PICK1: variants seen among roughly 807,000 people sequenced by gnomAD.
PICK1 encodes the protein PRKCA-binding protein.
A neutral mutation model predicts 48.9 loss-of-function variants in PICK1; 23 were observed. The observed-to-expected ratio is 0.47, with a 90% CI of 0.34 to 0.67. The LOEUF (loss-of-function observed/expected upper bound fraction) is 0.67, where lower values mean the gene tolerates loss of function less well. Ranked by LOEUF, PICK1 falls within the 30% of genes least tolerant of loss-of-function variation. The pLI is 0.01. For synonymous variants in PICK1, 217 were observed against 228.2 expected (o/e 0.95, Z 0.44); for missense variants, 423 against 557.1 (o/e 0.76, Z 2.42).
In PICK1 at chr22:38,070,243, C is replaced by A. The variant is rs1438818614; in HGVS notation, c.440-595C>A. ...GACTGCCCCACCTCTCCCCTGCAGCCCTCACCATCACACTGCTGTCCATCG... is the reference window on the plus strand; with the variant it reads ...GACTGCCCCACCTCTCCCCTGCAGCACTCACCATCACACTGCTGTCCATCG... On this transcript the variant is annotated intron_variant, in intron 6 of 12. Coordinates refer to ENST00000356976, the MANE Select transcript of PICK1 (RefSeq NM_012407.4). Among the ~76,000 whole-genome samples the A allele has an allele frequency of 3.9e-5, 6 of 152,254 alleles. No homozygotes were observed. In the East Asian group the frequency reaches 9.6e-4, roughly 24 times the overall value.
At position 38,073,763 on chromosome 22, in the gene PICK1, T is replaced by A; in HGVS notation, c.784-10T>A. ...GTAGCCACTCTGACAGCCTCACCTG[T>A]CCCACACAGTCGTACTGCCTGAAGG... On this transcript the variant is annotated splice_polypyrimidine_tract_variant and intron_variant, in intron 10 of 12. Transcript: ENST00000356976. The surrounding 1 kb of genome is among the most constrained non-coding windows in gnomAD (Gnocchi z 5.7). 6.2e-7 allele frequency: 1 copy of A among 1,612,756 alleles called. No individual in the cohort carries two copies. The highest frequency in any genetic ancestry group is 8.5e-7 in the Non-Finnish European group (1 of 1,179,730).
At chr22:38,069,747 G>A (rs1316189733) in intron 6 of PICK1, among the ~76,000 whole-genome samples, 1 of 152,158 alleles carries the variant, frequency 6.6e-6, no homozygotes, top group Non-Finnish European at 1.5e-5. Flanking sequence ...TGGGGGTGGG[G>A]ACTGAGCTTG....
In PICK1 at chr22:38,057,547, C is replaced by G. The variant is rs1168961267; in HGVS notation, c.-98C>G. 3 of 541,544 alleles carry G rather than the reference C, an allele frequency of 5.5e-6. No homozygotes were observed. The African/African-American group carries it at 5.7e-5, about 10-fold the overall frequency. The allele number at this position is 541,544 out of a possible 1,614,324, so 33.5% of individuals were successfully genotyped here. A position where few individuals can be genotyped will look rare whatever the true frequency, so the allele number is the denominator to read the frequency against. On this transcript the variant is annotated 5_prime_UTR_variant, in exon 1 of 13. It adds an upstream start codon to the 5' untranslated region. Coordinates refer to ENST00000356976, the MANE Select transcript of PICK1 (RefSeq NM_012407.4). The stretch of plus-strand genomic sequence containing the variant: ...AGACCCGTGGGGCGGACTCTGGGAT[C>G]TGAGCCTATCGCCCTGGCCTGGAGC...
chr22:38,072,993 C>T lies in PICK1; in HGVS notation c.691-7C>T, dbSNP rs1315653458. The T allele has an allele frequency of 6.2e-7, 1 of 1,603,482 alleles. No individual in the cohort carries two copies. Among genetic ancestry groups the T allele is most frequent in the East Asian group, 2.2e-5 (1 of 44,836 alleles). On this transcript the variant is annotated splice_region_variant and splice_polypyrimidine_tract_variant and intron_variant, in intron 9 of 12. Transcript: ENST00000356976. ...GACAGCCTCAGCATCCACCCACCCT[C>T]TTCCAGATGCTGACGGATCTGAACA...
Position 38,074,800 on chromosome 22 carries a change from AG to A in PICK1, c.980-63del. On this transcript the variant is annotated intron_variant, in intron 12 of 12. Coordinates refer to ENST00000356976, the MANE Select transcript of PICK1 (RefSeq NM_012407.4). The surrounding 1 kb of genome is among the most constrained non-coding windows in gnomAD (Gnocchi z 4.5). ...AGAGGTGGGCCGGGTGGGCTGGGAG[AG>A]TCTCCTCCCTGAGGCAGGCAGCCAG... is the stretch of plus-strand genomic sequence containing the variant. 1.9e-6 allele frequency: 3 copies of A among 1,588,586 alleles called. No homozygotes were observed. Among genetic ancestry groups the A allele is most frequent in the Non-Finnish European group, 2.6e-6 (3 of 1,170,546 alleles).
At chr22:38,058,021 AC>A in intron 2 of PICK1, 171 bp downstream of exon 2, 2 of 699,106 alleles carry the variant, frequency 2.9e-6, no homozygotes, top group Non-Finnish European at 5.3e-6. Context: ...GGGGCTGTGG[AC>A]AGTTAAAGGG....
intron 3 of PICK1, among the ~76,000 whole-genome samples, chr22:38,061,084 G>A (rs1157866495): frequency 6.6e-6 from 1 of 151,970 alleles, no homozygotes; most frequent in Non-Finnish European, 1.5e-5. Flanking sequence ...GCTCACACCT[G>A]TAATCCCAGC....
At chr22:38,058,163 G>A (rs1317018275) in intron 2 of PICK1, 2 of 438,946 alleles carry the variant, frequency 4.6e-6, no homozygotes, top group African/African-American at 4.0e-5. Context: ...ATTGAACCAG[G>A]TTTTGAAGGT....
rs748108906 is a variant in PICK1, at chr22:38,057,833, C to T, written c.24C>T (p.Asp8=). MFADLDY[D]IEEDKLGIPT... ...CCATGTTTGCAGACTTGGATTATGA[C>T]ATCGAAGAGGATAAACTGTGAGTAT... Residue 8 remains aspartate, a synonymous_variant, in exon 2 of 13, where the codon GAC becomes GAT. Coordinates refer to ENST00000356976, the MANE Select transcript of PICK1 (RefSeq NM_012407.4). 6.2e-7 allele frequency: 1 copy of T among 1,613,898 alleles called. No individual in the cohort carries two copies.
intron 3 of PICK1, 86 bp downstream of exon 3, chr22:38,059,431 G>A: frequency 1.1e-6 from 1 of 915,046 alleles, no homozygotes. Context: ...CTGCATAGCT[G>A]ACTCCTTCTC....
At chr22:38,068,843 G>C (rs574877788) in intron 5 of PICK1, among the ~76,000 whole-genome samples, 190 bp from the exon 6 acceptor site, 6 of 152,312 alleles carry the variant, frequency 3.9e-5, no homozygotes, top group African/African-American at 1.4e-4. Flanking sequence ...CAGGCTGCCA[G>C]CACCTCTGTG....
rs534557875 is a variant in PICK1, at chr22:38,061,989, T to C, written c.153+2644T>C. On this transcript the variant is annotated intron_variant, in intron 3 of 12. Transcript: ENST00000356976. ...AATTAATATTAGTACAACGGAGATT[T>C]TGTTCGGGAAATCTTTTCCAGATGC... Among the ~76,000 whole-genome samples the C allele has an allele frequency of 5.9e-5, 9 of 152,318 alleles. No homozygotes were observed. In the East Asian group the frequency reaches 1.7e-3, roughly 29 times the overall value.
chr22:38,072,883 G>A (rs2085736555), intron 9 of PICK1, 117 bp from the exon 10 acceptor site: 1 of 850,470 alleles, frequency 1.2e-6, no homozygotes, highest in South Asian at 1.3e-5. Flanking sequence ...GCATCAGGGA[G>A]CACCATCTGG....
chr22:38,073,041 G>A lies in PICK1; in HGVS notation c.732G>A (p.Pro244=), dbSNP rs148126030. ...DLNTYLNKAI[P]DTRLTIKKYL... Reference sequence around the variant, plus strand: ...ACACGTACCTCAACAAAGCCATCCCGGACACTCGCCTCACCATCAAGAAGT... The same window carrying A: ...ACACGTACCTCAACAAAGCCATCCCAGACACTCGCCTCACCATCAAGAAGT... The change falls in exon 10 of 13, where the codon CCG becomes CCA. Residue 244 remains proline (P), a synonymous_variant. Coordinates refer to ENST00000356976, the MANE Select transcript of PICK1 (RefSeq NM_012407.4). This position sits in a 1 kb window ranked among gnomAD's most constrained non-coding sequence, Gnocchi z 5.7. 2.6e-5 allele frequency: 42 copies of A among 1,613,828 alleles called. No homozygotes were observed. Among genetic ancestry groups the A allele is most frequent in the African/African-American group, 2.4e-4 (18 of 75,042 alleles).
At position 38,074,796 on chromosome 22, in the gene PICK1, GGA is replaced by G. The variant is rs2085795871; in HGVS notation, c.980-64_980-63del. The G allele has an allele frequency of 1.3e-6, 2 of 1,588,252 alleles. No individual in the cohort carries two copies. Among genetic ancestry groups the G allele is most frequent in the Non-Finnish European group, 1.7e-6 (2 of 1,170,976 alleles). ...GGCGAGAGGTGGGCCGGGTGGGCTG[GGA>G]GAGTCTCCTCCCTGAGGCAGGCAGC... is the stretch of plus-strand genomic sequence containing the variant. On this transcript the variant is annotated intron_variant, in intron 12 of 12. Transcript: ENST00000356976. The surrounding 1 kb of genome is among the most constrained non-coding windows in gnomAD (Gnocchi z 4.5).
At chr22:38,068,001 C>T (rs1034050129) in intron 5 of PICK1, 68 of 643,236 alleles carry the variant, frequency 1.1e-4, no homozygotes, top group Middle Eastern at 2.5e-4. Context: ...CACTCCCCCG[C>T]GTTTCACCCC....
intron 4 of PICK1, among the ~76,000 whole-genome samples, chr22:38,067,143 A>G (rs1477360148): frequency 2.0e-5 from 3 of 152,096 alleles, no homozygotes; most frequent in African/African-American, 7.2e-5. Context: ...CCGAAGCACA[A>G]GACATCAGAG....
chr22:38,059,437 T>C lies in PICK1; in HGVS notation c.153+92T>C. The C allele has an allele frequency of 4.5e-6, 4 of 891,596 alleles. No homozygotes were observed. In the South Asian group the frequency reaches 5.6e-5, roughly 13 times the overall value. 55.2% of individuals were successfully genotyped at this position (891,596 alleles called of 1,614,324 possible). On this transcript the variant is annotated intron_variant, in intron 3 of 12. Coordinates refer to ENST00000356976, the MANE Select transcript of PICK1 (RefSeq NM_012407.4). Reference sequence around the variant, plus strand: ...TTCTCCACACTGCATAGCTGACTCCTTCTCATTCTTGAGGTCTGACCCTCT... The same window carrying C: ...TTCTCCACACTGCATAGCTGACTCCCTCTCATTCTTGAGGTCTGACCCTCT...
intron 5 of PICK1, among the ~76,000 whole-genome samples, 197 bp from the exon 6 acceptor site, chr22:38,068,836 G>A (rs556308780): frequency 7.5e-4 from 114 of 152,322 alleles, no homozygotes; most frequent in African/African-American, 2.7e-3. Context: ...AACTGCCCAG[G>A]CTGCCAGCAC....
Sources: allele counts gnomAD v4.1 joint callset (sites outside exome capture counted in the v4.1 genomes callset), GRCh38; gene constraint gnomAD v4.1.1; non-coding constraint Gnocchi (gnomAD v3.1); transcripts MANE v1.5; gene names NCBI Gene and HGNC (gene_info 2026-07-23, HGNC 2026-07-21).